The following CHL1 variants were observed in gnomAD, a reference collection of about 807,000 sequenced individuals.
The protein encoded by CHL1 is cell adhesion molecule L1 like.
In CHL1, 96 loss-of-function variants were observed where a neutral mutation model predicts 141.9. The ratio of observed to expected loss-of-function variants is 0.68; its 90% CI spans 0.57 to 0.80. The LOEUF is 0.80. Ranked by LOEUF, CHL1 falls within the 30% of genes least tolerant of loss-of-function variation. CHL1 has a pLI of 0.00. For missense variants in CHL1, 1,820 were observed against 1,457.2 expected (o/e 1.25, Z -4.05); for synonymous variants, 613 against 502.2 (o/e 1.22, Z -2.95).
At chr3:351,100 C>T (rs770182370) in intron 10 of CHL1, among the ~76,000 whole-genome samples, 14 of 152,102 alleles carry the variant, frequency 9.2e-5, no homozygotes, top group African/African-American at 1.9e-4. Flanking sequence ...AACATAGCTA[C>T]GGTAGCTGAA....
intron 5 of CHL1, among the ~76,000 whole-genome samples, chr3:331,295 G>C (rs910581870): frequency 6.6e-6 from 1 of 152,196 alleles, no homozygotes; most frequent in African/African-American, 2.4e-5. Flanking sequence ...TGCAGTCATG[G>C]CTTCATGGCT....
intron 2 of CHL1, among the ~76,000 whole-genome samples, chr3:264,554 T>C (rs1417637334): frequency 1.3e-5 from 2 of 152,198 alleles, no homozygotes; most frequent in South Asian, 2.1e-4. Flanking sequence ...CAGATATATA[T>C]TGTGGACCTA....
intron 18 of CHL1, 107 bp downstream of exon 18, chr3:382,778 C>T (rs1227557499): frequency 2.1e-6 from 2 of 969,242 alleles, no homozygotes; most frequent in Admixed American, 4.2e-5. Flanking sequence ...TTAGATTTCT[C>T]CAAATAGTGT....
In CHL1 at chr3:312,731, A is replaced by C. The variant is rs546697522; in HGVS notation, c.-94-6952A>C. Among the ~76,000 whole-genome samples the C allele has an allele frequency of 1.4e-4, 22 of 152,348 alleles. 1 individual carries two copies. In the East Asian group the frequency reaches 4.0e-3, roughly 28 times the overall value. On this transcript the variant is annotated intron_variant, in intron 2 of 27. Coordinates refer to ENST00000256509, the MANE Select transcript of CHL1 (RefSeq NM_006614.4). The stretch of plus-strand genomic sequence containing the variant: ...CATCATGAAAATGTCAAATGGCTTT[A>C]TATAAGACATCTTGCTTGATGCAGC...
chr3:307,177 T>A (rs958193829), intron 2 of CHL1, among the ~76,000 whole-genome samples: 1 of 152,210 alleles, frequency 6.6e-6, no homozygotes, highest in Non-Finnish European at 1.5e-5. Context: ...ATGAGAGTTT[T>A]AATTTTCTCT....
At chr3:390,867 G>A (rs375212041) in intron 21 of CHL1, 51 bp downstream of exon 21, 7 of 1,498,544 alleles carry the variant, frequency 4.7e-6, no homozygotes, top group Non-Finnish European at 6.5e-6. Context: ...TATCTTTCCT[G>A]AGAATAAAGA....
In CHL1 at chr3:323,165, T is replaced by C. The variant is rs114584705; in HGVS notation, c.92-2794T>C. Reference sequence around the variant, plus strand: ...TGTTCAGATAGATATAGGTCAGATATTTTCCTGAAAGTGAACCAAGTGAGC... The same window carrying C: ...TGTTCAGATAGATATAGGTCAGATACTTTCCTGAAAGTGAACCAAGTGAGC... On this transcript the variant is annotated intron_variant, in intron 3 of 27. Coordinates refer to ENST00000256509, the MANE Select transcript of CHL1 (RefSeq NM_006614.4). Among the ~76,000 whole-genome samples, 1,071 of 152,116 alleles carry C rather than the reference T, an allele frequency of 7.0e-3. 14 individuals carry two copies. The highest frequency in any genetic ancestry group is 0.024 in the African/African-American group (1,014 of 41,524).
chr3:198,562 T>G (rs1698620779), intron 1 of CHL1, among the ~76,000 whole-genome samples: 1 of 152,182 alleles, frequency 6.6e-6, no homozygotes, highest in South Asian at 2.1e-4. Flanking sequence ...ATACGGAGAT[T>G]ATCGATACCC....
intron 2 of CHL1, among the ~76,000 whole-genome samples, chr3:301,147 G>A (rs914755216): frequency 6.6e-6 from 1 of 152,170 alleles, no homozygotes; most frequent in Admixed American, 6.6e-5. Flanking sequence ...AAGTGCTGAG[G>A]AATCAAAGTA....
At chr3:268,348 A>G (rs1695335583) in intron 2 of CHL1, among the ~76,000 whole-genome samples, 2 of 152,072 alleles carry the variant, frequency 1.3e-5, no homozygotes, top group South Asian at 4.1e-4. Flanking sequence ...AGTCTGGCTA[A>G]CATGGTGAAA....
At chr3:213,963 A>G (rs1700100015) in intron 1 of CHL1, among the ~76,000 whole-genome samples, 1 of 152,176 alleles carries the variant, frequency 6.6e-6, no homozygotes, top group African/African-American at 2.4e-5. Flanking sequence ...ATAAAACAGG[A>G]GCCCTCCCTA....
At chr3:323,389 A>G (rs1700749200) in intron 3 of CHL1, among the ~76,000 whole-genome samples, 1 of 152,132 alleles carries the variant, frequency 6.6e-6, no homozygotes, top group African/African-American at 2.4e-5. Context: ...AAATGCATCA[A>G]TGTTTGGAAG....
chr3:382,401 T>C, intron 17 of CHL1, 73 bp from the exon 18 acceptor site: 1 of 1,480,630 alleles, frequency 6.8e-7, no homozygotes, highest in African/African-American at 1.4e-5. Context: ...ACTTTTAATA[T>C]TGAGTATAAA....
At chr3:314,329 GTATATATATATATA>G (rs56292297) in intron 2 of CHL1, among the ~76,000 whole-genome samples, 9,360 of 65,320 alleles carry the variant, frequency 0.14, 776 homozygotes, top group Middle Eastern at 0.21. Context: ...CTCTCTATGT[GTATATATATATATA>G]TATATATATA....
rs1022998162 is a variant in CHL1, at chr3:407,849, C to T, written c.*2138C>T. On this transcript the variant is annotated 3_prime_UTR_variant, in exon 28 of 28. Coordinates refer to ENST00000256509, the MANE Select transcript of CHL1 (RefSeq NM_006614.4). ...AGCTCTTCCTACACTTCGTGTTCCC[C>T]TTTAGCTGCCTGAAAATCAAGATTG... The T allele has an allele frequency of 1.1e-4, 16 of 152,140 alleles. No homozygotes were observed. The highest frequency in any genetic ancestry group is 3.6e-4 in the African/African-American group (15 of 41,438). The allele number at this position is 152,140 out of a possible 1,614,324, so 9.4% of individuals were successfully genotyped here.
intron 16 of CHL1, among the ~76,000 whole-genome samples, chr3:381,751 C>T (rs1707068111): frequency 6.6e-6 from 1 of 151,994 alleles, no homozygotes. Context: ...AAGAAATTTA[C>T]AAAAAATGAT....
intron 2 of CHL1, among the ~76,000 whole-genome samples, chr3:311,533 T>A (rs1345467536): frequency 2.0e-5 from 3 of 152,078 alleles, no homozygotes; most frequent in Non-Finnish European, 4.4e-5. Flanking sequence ...CACTGCCCAG[T>A]CATGTGACAA....
chr3:268,551 G>A (rs981339564), intron 2 of CHL1, among the ~76,000 whole-genome samples: 6 of 151,476 alleles, frequency 4.0e-5, no homozygotes, highest in Non-Finnish European at 7.4e-5. Context: ...ATAAAATAAA[G>A]TAAAATAAAA....
At chr3:338,691 A>G (rs1702128186) in intron 5 of CHL1, among the ~76,000 whole-genome samples, 1 of 152,196 alleles carries the variant, frequency 6.6e-6, no homozygotes. Flanking sequence ...TTCATTTTGT[A>G]TTTAGTTAAA....
Sources: gnomAD v4.1 joint callset for allele counts (sites outside exome capture counted in the v4.1 genomes callset) on GRCh38, gnomAD v4.1.1 for gene constraint, MANE v1.5 for transcripts, NCBI Gene and HGNC (gene_info 2026-07-23, HGNC 2026-07-21) for gene names.